The following FBXW11 variants were observed in gnomAD, a reference collection of about 807,000 sequenced individuals.
FBXW11 encodes F-box and WD repeat domain containing 11.
Under a neutral mutation model 77.6 loss-of-function variants are expected in FBXW11, and 19 were observed. That is an observed-to-expected ratio of 0.24 (90% CI 0.17 to 0.36). FBXW11 has a LOEUF of 0.36. Among genes scored for constraint, FBXW11 ranks in the 10% least tolerant of loss-of-function variants. The pLI is 1.00. For synonymous variants in FBXW11, 235 were observed against 249.4 expected, an observed-to-expected ratio of 0.94 and a Z score of 0.54; for missense variants, 334 against 704.2, an observed-to-expected ratio of 0.47 and a Z score of 5.95.
intron 2 of FBXW11, among the ~76,000 whole-genome samples, chr5:171,949,107 A>G (rs1274110751): frequency 3.9e-5 from 6 of 152,264 alleles, no homozygotes; most frequent in Admixed American, 1.3e-4. Context: ...CTAAACTTTC[A>G]AAGTCCATAT....
At chr5:171,905,779 T>C (rs1448217127) in intron 4 of FBXW11, among the ~76,000 whole-genome samples, 1 of 152,168 alleles carries the variant, frequency 6.6e-6, no homozygotes, top group African/African-American at 2.4e-5. Context: ...TCCATTTGCC[T>C]GGGCTAAAAA....
chr5:171,960,745 T>C (rs1320880437), intron 1 of FBXW11, among the ~76,000 whole-genome samples: 1 of 152,228 alleles, frequency 6.6e-6, no homozygotes, highest in African/African-American at 2.4e-5. Flanking sequence ...TCAAGGCTTT[T>C]TAACCATTTA....
chr5:171,968,252 C>T (rs985324271), intron 1 of FBXW11, among the ~76,000 whole-genome samples: 2 of 151,722 alleles, frequency 1.3e-5, no homozygotes. Context: ...GTCAGGAGAT[C>T]GAGACCATCC....
chr5:171,882,693 A>C, intron 7 of FBXW11, among the ~76,000 whole-genome samples: 1 of 67,984 alleles, frequency 1.5e-5, no homozygotes, highest in East Asian at 8.1e-4. Flanking sequence ...AGTATTTAGG[A>C]ATTTTTCCAG....
intron 2 of FBXW11, among the ~76,000 whole-genome samples, chr5:171,955,340 G>T (rs1763552854): frequency 1.3e-5 from 2 of 152,168 alleles, no homozygotes; most frequent in African/African-American, 4.8e-5. Context: ...AAAGAACCAG[G>T]CTCTGTTCTC....
At chr5:172,001,709 T>C (rs1766423627) in intron 1 of FBXW11, among the ~76,000 whole-genome samples, 1 of 152,232 alleles carries the variant, frequency 6.6e-6, no homozygotes, top group South Asian at 2.1e-4. Flanking sequence ...CAGTCTCTGC[T>C]ACCATAATAT....
At chr5:171,972,520 A>AC (rs1764593885) in intron 1 of FBXW11, among the ~76,000 whole-genome samples, 1 of 149,194 alleles carries the variant, frequency 6.7e-6, no homozygotes, top group Non-Finnish European at 1.5e-5. Context: ...AAAAAAAAAA[A>AC]AAAAAAAAGT....
intron 7 of FBXW11, among the ~76,000 whole-genome samples, chr5:171,889,988 T>C (rs917639270): frequency 1.3e-5 from 2 of 152,140 alleles, no homozygotes; most frequent in African/African-American, 4.8e-5. Context: ...GTATCTAGAC[T>C]ACATAAAGAA....
At chr5:171,997,660 T>C (rs1483031632) in intron 1 of FBXW11, among the ~76,000 whole-genome samples, 1 of 152,172 alleles carries the variant, frequency 6.6e-6, no homozygotes, top group Non-Finnish European at 1.5e-5. Context: ...AATGATCACG[T>C]AAACTGGGAA....
At chr5:171,943,692 G>A (rs984337327) in intron 2 of FBXW11, among the ~76,000 whole-genome samples, 1 of 152,086 alleles carries the variant, frequency 6.6e-6, no homozygotes, top group Non-Finnish European at 1.5e-5. Flanking sequence ...CTCATGATCC[G>A]CCCGCCTCGG....
intron 7 of FBXW11, among the ~76,000 whole-genome samples, chr5:171,884,237 A>G (rs1184047845): frequency 6.6e-6 from 1 of 152,230 alleles, no homozygotes; most frequent in African/African-American, 2.4e-5. Flanking sequence ...ATGAGGATCC[A>G]GTTTCATTCT....
In FBXW11 at chr5:171,876,676, A is replaced by C. The variant is rs1758102681; in HGVS notation, c.972-142T>G. 8.8e-7 allele frequency: 1 copy of C among 1,133,072 alleles called. No individual in the cohort carries two copies. The highest frequency in any genetic ancestry group is 1.3e-6 in the Non-Finnish European group (1 of 799,130). 70.2% of individuals were successfully genotyped at this position (1,133,072 alleles called of 1,614,324 possible). The stretch of plus-strand genomic sequence containing the variant: ...AAATCTCATGTTGAAATTGATCCTC[A>C]ATGTTGGAGGTGGGGCCTGGCAGGA... On this transcript the variant is annotated intron_variant, in intron 8 of 13. Coordinates refer to ENST00000517395, the MANE Select transcript of FBXW11 (RefSeq NM_001378974.1). This position sits in a 1 kb window ranked among gnomAD's most constrained non-coding sequence, Gnocchi z 4.2.
Position 171,877,867 on chromosome 5 carries a change from G to A in FBXW11, c.971+144C>T, listed in dbSNP as rs115391234. 1,065 of 665,516 alleles carry A rather than the reference G, an allele frequency of 1.6e-3. 4 individuals are homozygous for A. The highest frequency in any genetic ancestry group is 2.8e-3 in the Admixed American group (100 of 35,526). 41.2% of individuals were successfully genotyped at this position (665,516 alleles called of 1,614,324 possible). A position where few individuals can be genotyped will look rare whatever the true frequency, so the allele number is the denominator to read the frequency against. On this transcript the variant is annotated intron_variant, in intron 8 of 13. Coordinates refer to ENST00000517395, the MANE Select transcript of FBXW11 (RefSeq NM_001378974.1). ...AAATTAGCTTTCCTGCCTAATTTGC[G>A]CAAACATGTCTACAATAAAAGTAGT... is the stretch of plus-strand genomic sequence containing the variant.
At chr5:171,918,764 T>C (rs1326205940) in intron 2 of FBXW11, among the ~76,000 whole-genome samples, 1 of 152,238 alleles carries the variant, frequency 6.6e-6, no homozygotes, top group Non-Finnish European at 1.5e-5. Flanking sequence ...GTGGGGCTGC[T>C]GTGTGCATTA....
In FBXW11 at chr5:171,908,908, A is replaced by ACTCTGTAC. The variant is rs1288132257; in HGVS notation, c.436+1663_436+1664insGTACAGAG. ...TAGGCTAAGGGAGGAGCTACTCTTTAAGAAGCTATCCTGTAGCTCTGACAA... is the reference window on the plus strand; with the variant it reads ...TAGGCTAAGGGAGGAGCTACTCTTTACTCTGTACAGAAGCTATCCTGTAGCTCTGACAA... On this transcript the variant is annotated intron_variant, in intron 4 of 13. Coordinates refer to ENST00000517395, the MANE Select transcript of FBXW11 (RefSeq NM_001378974.1). 3.3e-5 allele frequency: 5 copies of ACTCTGTAC among 152,300 alleles called. No homozygotes were observed. In the East Asian group the frequency reaches 9.6e-4, roughly 29 times the overall value. The allele number at this position is 152,300 out of a possible 1,614,324, so 9.4% of individuals were successfully genotyped here.
chr5:171,992,813 T>C (rs1191693353), intron 1 of FBXW11, among the ~76,000 whole-genome samples: 2 of 152,058 alleles, frequency 1.3e-5, no homozygotes, highest in Non-Finnish European at 2.9e-5. Context: ...GATACTTCTC[T>C]TCTTAGACAA....
rs1288602022 is a variant in FBXW11, at chr5:172,006,573, GGAGGCGGCA to G, written c.-80_-72del. On this transcript the variant is annotated 5_prime_UTR_variant, in exon 1 of 14. Coordinates refer to ENST00000517395, the MANE Select transcript of FBXW11 (RefSeq NM_001378974.1). ...CGGCCCGGGCGGAGGAGGCGACGGC[GGAGGCGGCA>G]GAGGCGGAGGCGGCTATCGCACCCA... 3 of 1,431,364 alleles carry G rather than the reference GGAGGCGGCA, an allele frequency of 2.1e-6. No individual in the cohort carries two copies. The highest frequency in any genetic ancestry group is 1.8e-6 in the Non-Finnish European group (2 of 1,089,520). The allele number at this position is 1,431,364 out of a possible 1,614,324, so 88.7% of individuals were successfully genotyped here. A position where few individuals can be genotyped will look rare whatever the true frequency, so the allele number is the denominator to read the frequency against.
intron 2 of FBXW11, among the ~76,000 whole-genome samples, chr5:171,939,203 C>A (rs1762622127): frequency 6.6e-6 from 1 of 152,086 alleles, no homozygotes; most frequent in South Asian, 2.1e-4. Context: ...TGCCACTGCA[C>A]TCCAGCATGG....
chr5:171,871,456 T>A (rs1156872646), intron 10 of FBXW11, among the ~76,000 whole-genome samples: 1 of 152,188 alleles, frequency 6.6e-6, no homozygotes, highest in African/African-American at 2.4e-5. Context: ...ACCCCTTCCT[T>A]GATACTATAT....
Sources: gnomAD v4.1 joint callset for allele counts (sites outside exome capture counted in the v4.1 genomes callset) on GRCh38, gnomAD v4.1.1 for gene constraint, Gnocchi (gnomAD v3.1) non-coding constraint, MANE v1.5 for transcripts, NCBI Gene and HGNC (gene_info 2026-07-23, HGNC 2026-07-21) for gene names.